Variants in ZNRF3 observed in about 807,000 individuals in gnomAD.
ZNRF3 encodes E3 ubiquitin-protein ligase ZNRF3.
A neutral mutation model predicts 72.5 loss-of-function variants in ZNRF3; 23 were observed. The ratio of observed to expected loss-of-function variants is 0.32; its 90% CI spans 0.23 to 0.45. The LOEUF is 0.45. Among genes scored for constraint, ZNRF3 ranks in the 20% least tolerant of loss-of-function variants. ZNRF3 has a pLI of 1.00. For synonymous variants in ZNRF3, 610 were observed against 545.3 expected, an observed-to-expected ratio of 1.12 and a Z score of -1.65; for missense variants, 1,169 against 1,272.1, an observed-to-expected ratio of 0.92 and a Z score of 1.23.
chr22:28,892,164 G>C lies in ZNRF3; in HGVS notation c.300+8098G>C, dbSNP rs1231810901. Among the ~76,000 whole-genome samples the C allele has an allele frequency of 5.3e-5, 8 of 152,222 alleles. No homozygotes were observed. The East Asian group carries it at 1.3e-3, about 26-fold the overall frequency. ...TCTTGGTTGTTAAAACTTACCACGA[G>C]TGCTACATGCCTCAGTGGGCAAACA... On this transcript the variant is annotated intron_variant, in intron 1 of 8. Coordinates refer to ENST00000544604, the MANE Select transcript of ZNRF3 (RefSeq NM_001206998.2).
At chr22:28,964,888 G>A (rs1398564155) in intron 1 of ZNRF3, among the ~76,000 whole-genome samples, 1 of 152,224 alleles carries the variant, frequency 6.6e-6, no homozygotes, top group Non-Finnish European at 1.5e-5. Flanking sequence ...TTCTTTTGCT[G>A]TCTATGTAAG....
chr22:28,914,669 C>T (rs1310207321), intron 1 of ZNRF3, among the ~76,000 whole-genome samples: 2 of 151,790 alleles, frequency 1.3e-5, no homozygotes, highest in African/African-American at 4.8e-5. Flanking sequence ...ACAAAATTAG[C>T]CAGGCATGGT....
Position 29,044,726 on chromosome 22 carries a change from C to A in ZNRF3, c.634-54C>A. On this transcript the variant is annotated intron_variant, in intron 4 of 8. Coordinates refer to ENST00000544604, the MANE Select transcript of ZNRF3 (RefSeq NM_001206998.2). ...GACAAAGCCAAGATAGCCCATGTGC[C>A]GCTTACCAGGCTGGAGAGAGGCTGT... 4.7e-6 allele frequency: 6 copies of A among 1,285,454 alleles called. No individual in the cohort carries two copies. In the South Asian group the frequency reaches 7.1e-5, roughly 15 times the overall value. 79.6% of individuals were successfully genotyped at this position (1,285,454 alleles called of 1,614,324 possible).
chr22:29,014,253 G>A (rs1489013040), intron 2 of ZNRF3, among the ~76,000 whole-genome samples: 3 of 152,000 alleles, frequency 2.0e-5, no homozygotes, highest in African/African-American at 7.3e-5. Flanking sequence ...TATTGCTTTG[G>A]GGTCATGTCT....
At chr22:28,951,291 G>A (rs978531286) in intron 1 of ZNRF3, among the ~76,000 whole-genome samples, 1 of 152,104 alleles carries the variant, frequency 6.6e-6, no homozygotes, top group African/African-American at 2.4e-5. Flanking sequence ...ACCTTTTTTG[G>A]AGATTGAGTC....
At chr22:28,929,973 TA>T (rs2034675903) in intron 1 of ZNRF3, among the ~76,000 whole-genome samples, 1 of 152,126 alleles carries the variant, frequency 6.6e-6, no homozygotes, top group African/African-American at 2.4e-5. Flanking sequence ...AAAATAGAAA[TA>T]AAAAACATTT....
intron 1 of ZNRF3, among the ~76,000 whole-genome samples, chr22:28,983,988 T>G (rs73882420): frequency 0.013 from 1,964 of 152,058 alleles, 43 homozygotes; most frequent in African/African-American, 0.045. Context: ...CCTGAAGGGC[T>G]GCTGGAATTC....
At chr22:29,017,904 A>G (rs1352533865) in intron 2 of ZNRF3, 2 of 481,980 alleles carry the variant, frequency 4.1e-6, no homozygotes, top group East Asian at 1.1e-4. Flanking sequence ...AGGCTTTTAG[A>G]TGTGTCCTTA....
At chr22:28,954,884 G>A (rs567544032) in intron 1 of ZNRF3, among the ~76,000 whole-genome samples, 9 of 152,162 alleles carry the variant, frequency 5.9e-5, no homozygotes, top group African/African-American at 2.2e-4. Flanking sequence ...CACAGTGCTG[G>A]GATTACAGGC....
intron 2 of ZNRF3, among the ~76,000 whole-genome samples, chr22:29,033,207 C>T (rs929660187): frequency 2.6e-5 from 4 of 152,010 alleles, no homozygotes; most frequent in Admixed American, 2.0e-4. Flanking sequence ...AAAAATTAGC[C>T]GGGCATGATG....
At chr22:28,991,859 T>G (rs1358686773) in intron 2 of ZNRF3, among the ~76,000 whole-genome samples, 3 of 152,042 alleles carry the variant, frequency 2.0e-5, no homozygotes, top group Admixed American at 6.6e-5. Flanking sequence ...AATCAGATGC[T>G]CACCTGGGCA....
chr22:29,043,785 C>T (rs187493559), intron 4 of ZNRF3, among the ~76,000 whole-genome samples: 2 of 152,262 alleles, frequency 1.3e-5, no homozygotes, highest in East Asian at 3.9e-4. Context: ...CCTGGCTTCC[C>T]GTGGCTTCCT....
intron 5 of ZNRF3, among the ~76,000 whole-genome samples, chr22:29,045,254 G>A (rs963459847): frequency 5.3e-5 from 8 of 151,656 alleles, no homozygotes; most frequent in Admixed American, 1.3e-4. Flanking sequence ...CCAGCTACTC[G>A]GGAGGCTGAG....
At chr22:28,946,302 G>C (rs933330538) in intron 1 of ZNRF3, among the ~76,000 whole-genome samples, 3 of 152,162 alleles carry the variant, frequency 2.0e-5, no homozygotes, top group African/African-American at 7.2e-5. Flanking sequence ...GTTTCTTCTT[G>C]TTGTTGTTAG....
chr22:28,917,311 A>C, intron 1 of ZNRF3: 7 of 327,758 alleles, frequency 2.1e-5, no homozygotes, highest in Non-Finnish European at 3.0e-5. Flanking sequence ...ACACGACACT[A>C]GGTATGTGTG....
intron 2 of ZNRF3, among the ~76,000 whole-genome samples, chr22:29,038,019 A>C (rs895407592): frequency 6.6e-6 from 1 of 152,222 alleles, no homozygotes; most frequent in Non-Finnish European, 1.5e-5. Context: ...GCTACAGCCC[A>C]GTTTACCAGT....
At chr22:29,028,389 G>A (rs964408724) in intron 2 of ZNRF3, among the ~76,000 whole-genome samples, 16 of 152,172 alleles carry the variant, frequency 1.1e-4, no homozygotes, top group Non-Finnish European at 1.6e-4. Flanking sequence ...TGAGCTGCAC[G>A]ACATTTGTAA....
chr22:28,998,499 T>G (rs957861049), intron 2 of ZNRF3, among the ~76,000 whole-genome samples: 22 of 152,112 alleles, frequency 1.4e-4, no homozygotes, highest in African/African-American at 5.1e-4. Flanking sequence ...TACATTTGAT[T>G]AAAACCGGAT....
At chr22:28,895,272 G>A (rs993747041) in intron 1 of ZNRF3, among the ~76,000 whole-genome samples, 1 of 152,214 alleles carries the variant, frequency 6.6e-6, no homozygotes, top group African/African-American at 2.4e-5. Context: ...GTTGAAGGCT[G>A]AAGTCTGGAG....
Sources: allele counts gnomAD v4.1 joint callset (sites outside exome capture counted in the v4.1 genomes callset), GRCh38; gene constraint gnomAD v4.1.1; transcripts MANE v1.5; gene names NCBI Gene and HGNC (gene_info 2026-07-23, HGNC 2026-07-21).